TFIP11: variants seen among roughly 807,000 people sequenced by gnomAD.
TFIP11 encodes the protein tuftelin-interacting protein 11.
In TFIP11, 86 loss-of-function variants were observed where a neutral mutation model predicts 96.8. That is an observed-to-expected ratio of 0.89 (90% CI 0.75 to 1.06). The LOEUF is 1.06. Ranked by LOEUF, TFIP11 falls within the 50% of genes least tolerant of loss-of-function variation. TFIP11 has a pLI of 0.00. For missense variants in TFIP11, 881 were observed against 1,076.7 expected (o/e 0.82, Z 2.54); for synonymous variants, 405 against 395.2 (o/e 1.02, Z -0.29).
Position 26,491,846 on chromosome 22 carries a change from C to T in TFIP11, c.*167G>A. 1.1e-6 allele frequency: 1 copy of T among 926,352 alleles called. No homozygotes were observed. Among genetic ancestry groups the T allele is most frequent in the Non-Finnish European group, 1.6e-6 (1 of 629,056 alleles). 57.4% of individuals were successfully genotyped at this position (926,352 alleles called of 1,614,324 possible). ...AGGACTTGGTATAAAGATTCCTGCC[C>T]TACGTGGCATTGTCCCATTTTACAT... On this transcript the variant is annotated 3_prime_UTR_variant, in exon 15 of 15. Transcript: ENST00000407690.
intron 10 of TFIP11, among the ~76,000 whole-genome samples, chr22:26,497,874 CAAA>C (rs35461044): frequency 2.2e-5 from 2 of 89,162 alleles, no homozygotes; most frequent in Admixed American, 1.3e-4. Context: ...GACTTCATCT[CAAA>C]AAAAAAAAAA....
intron 4 of TFIP11, among the ~76,000 whole-genome samples, chr22:26,508,853 A>G (rs1923725182): frequency 2.6e-5 from 4 of 152,006 alleles, no homozygotes; most frequent in Admixed American, 2.0e-4. Flanking sequence ...CAAAAAAAAA[A>G]AAAAGAAAAA....
At position 26,491,440 on chromosome 22, in the gene TFIP11, TA is replaced by T; in HGVS notation, c.*572del. The T allele has an allele frequency of 1.3e-6, 2 of 1,588,882 alleles. No individual in the cohort carries two copies. The highest frequency in any genetic ancestry group is 1.7e-6 in the Non-Finnish European group (2 of 1,162,118). The stretch of plus-strand genomic sequence containing the variant: ...GATTACTGTGACTATCTGAAGTTTT[TA>T]TACTTGAATTTTTCTGCTCAGATTT... On this transcript the variant is annotated 3_prime_UTR_variant, in exon 15 of 15. Transcript: ENST00000407690.
At position 26,491,849 on chromosome 22, in the gene TFIP11, C is replaced by G; in HGVS notation, c.*164G>C. On this transcript the variant is annotated 3_prime_UTR_variant, in exon 15 of 15. Coordinates refer to ENST00000407690, the MANE Select transcript of TFIP11 (RefSeq NM_012143.4). ...ACTTGGTATAAAGATTCCTGCCCTA[C>G]GTGGCATTGTCCCATTTTACATCCT... 1.1e-6 allele frequency: 1 copy of G among 927,742 alleles called. No homozygotes were observed. The highest frequency in any genetic ancestry group is 1.6e-6 in the Non-Finnish European group (1 of 629,994). The allele number at this position is 927,742 out of a possible 1,614,324, so 57.5% of individuals were successfully genotyped here.
In TFIP11 at chr22:26,503,781, G is replaced by A; in HGVS notation, c.533C>T (p.Pro178Leu). 1 of 1,613,254 alleles carries A rather than the reference G, an allele frequency of 6.2e-7. No individual in the cohort carries two copies. Reference sequence around the variant, plus strand: ...TCCCTTTCTCTGCTTGGCTTCAATTGGGTTAATGATACCTGAGGAATTTCA... The same window carrying A: ...TCCCTTTCTCTGCTTGGCTTCAATTAGGTTAATGATACCTGAGGAATTTCA... The part of the protein sequence containing the change: ...LGKNAQGIIN[P>L]IEAKQRKGKG... Residue 178 changes from proline (P) to leucine (L), a missense_variant, in exon 7 of 15, where the codon CCA (proline) becomes CTA (leucine). Coordinates refer to ENST00000407690, the MANE Select transcript of TFIP11 (RefSeq NM_012143.4).
intron 6 of TFIP11, chr22:26,505,809 C>T (rs1199284144): frequency 6.6e-6 from 1 of 151,018 alleles, no homozygotes; most frequent in Non-Finnish European, 1.5e-5. Context: ...TTCCTGGGTT[C>T]AAGCGATTCT....
chr22:26,506,779 T>G lies in TFIP11; in HGVS notation c.359A>C (p.Lys120Thr). ...FPKDFGPRKL[K>T]TGGNFKPSQK... Reference sequence around the variant, plus strand: ...CAATCCTGCAATAGAGACTACCGTTTTTAGCTTCCTTGGTCCAAAATCCTT... The same window carrying G: ...CAATCCTGCAATAGAGACTACCGTTGTTAGCTTCCTTGGTCCAAAATCCTT... The change falls in exon 5 of 15, where the codon AAA becomes ACA. Residue 120 changes from lysine to threonine, a missense_variant. Transcript: ENST00000407690. 1 of 1,614,188 alleles carries G rather than the reference T, an allele frequency of 6.2e-7. No homozygotes were observed. Among genetic ancestry groups the G allele is most frequent in the East Asian group, 2.2e-5 (1 of 44,884 alleles).
At chr22:26,509,997 C>A in intron 4 of TFIP11, 67 bp downstream of exon 4, 1 of 1,538,678 alleles carries the variant, frequency 6.5e-7, no homozygotes, top group Non-Finnish European at 9.0e-7. Flanking sequence ...GGTATCTCCT[C>A]CACTCCCTGT....
intron 2 of TFIP11, 38 bp downstream of exon 2, chr22:26,512,061 G>A (rs1445290770): frequency 1.3e-5 from 2 of 152,126 alleles, no homozygotes; most frequent in African/African-American, 4.8e-5. Context: ...TCATGCTTCA[G>A]ATAAGAAAAA....
chr22:26,508,652 C>G (rs1923698805), intron 4 of TFIP11, among the ~76,000 whole-genome samples: 1 of 152,116 alleles, frequency 6.6e-6, no homozygotes, highest in Non-Finnish European at 1.5e-5. Flanking sequence ...TCAAGAGATC[C>G]TGGCCAACAT....
rs1602194079 is a variant in TFIP11, at chr22:26,494,084, T to C, written c.2158+55A>G. ...AAACTCTGATTCTGTGTCATTTACA[T>C]GTGTAAAATCTGAAACTTGGGGCCA... On this transcript the variant is annotated intron_variant, in intron 14 of 14. Transcript: ENST00000407690. 3.8e-6 allele frequency: 6 copies of C among 1,592,224 alleles called. No homozygotes were observed. The East Asian group carries it at 6.7e-5, about 18-fold the overall frequency.
In TFIP11 at chr22:26,499,088, T is replaced by C. The variant is rs757911781; in HGVS notation, c.1329+16A>G. ...AACCGAGAGGCAGGGATAGGTTGATTTTCCCAGCAACTCACTTTGAGGGGA... is the reference window on the plus strand; with the variant it reads ...AACCGAGAGGCAGGGATAGGTTGATCTTCCCAGCAACTCACTTTGAGGGGA... On this transcript the variant is annotated intron_variant, in intron 9 of 14. Coordinates refer to ENST00000407690, the MANE Select transcript of TFIP11 (RefSeq NM_012143.4). 5 of 1,592,162 alleles carry C rather than the reference T, an allele frequency of 3.1e-6. No individual in the cohort carries two copies. The African/African-American group carries it at 6.7e-5, about 21-fold the overall frequency.
At chr22:26,496,419 C>T (rs1922055137) in intron 11 of TFIP11, 103 bp from the exon 12 acceptor site, 2 of 1,443,646 alleles carry the variant, frequency 1.4e-6, no homozygotes, top group African/African-American at 1.4e-5. Flanking sequence ...AGGCCCTGTG[C>T]TCTCTGAGGC....
chr22:26,511,725 C>T (rs1043822182), intron 2 of TFIP11: 1 of 152,226 alleles, frequency 6.6e-6, no homozygotes, highest in Non-Finnish European at 1.5e-5. Flanking sequence ...TCACTACTTC[C>T]ACAGGCAGTG....
chr22:26,496,152 G>A lies in TFIP11; in HGVS notation c.1770C>T (p.Leu590=), dbSNP rs1453073238. 17 of 1,613,974 alleles carry A rather than the reference G, an allele frequency of 1.1e-5. No individual in the cohort carries two copies. The highest frequency in any genetic ancestry group is 1.7e-4 in the Middle Eastern group (1 of 5,920). ...KWHPSDSSAK[L]ILQPWKDVFT... is the part of the protein sequence containing the mutation. ...AGACATCCTTCCAGGGCTGGAGGAT[G>A]AGCTTGGCAGAGGAGTCGCTGGGGT... The change falls in exon 12 of 15, where the codon CTC becomes CTT. Residue 590 remains leucine, a synonymous_variant. Coordinates refer to ENST00000407690, the MANE Select transcript of TFIP11 (RefSeq NM_012143.4).
rs549047340 is a variant in TFIP11, at chr22:26,503,728, C to T, written c.586G>A (p.Glu196Lys). 18 of 1,613,958 alleles carry T rather than the reference C, an allele frequency of 1.1e-5. No individual in the cohort carries two copies. Among genetic ancestry groups the T allele is most frequent in the East Asian group, 2.2e-5 (1 of 44,860 alleles). ...TCTTGCATGGACTGAGTGGTGCGCTCGGATCCATAAGCCCCCACAGCACCT... is the reference window on the plus strand; with the variant it reads ...TCTTGCATGGACTGAGTGGTGCGCTTGGATCCATAAGCCCCCACAGCACCT... ...GKGAVGAYGS[E>K]RTTQSMQDFP... The change falls in exon 7 of 15, where the codon GAG (glutamate) becomes AAG (lysine). Residue 196 changes from glutamate to lysine, a missense_variant. Transcript: ENST00000407690.
chr22:26,510,073 C>G lies in TFIP11; in HGVS notation c.200G>C (p.Gly67Ala), dbSNP rs2147151775. 1 of 1,613,486 alleles carries G rather than the reference C, an allele frequency of 6.2e-7. No individual in the cohort carries two copies. Among genetic ancestry groups the G allele is most frequent in the Middle Eastern group, 1.8e-4 (1 of 5,508 alleles). ...CCATGCCAGGCAATACCGTTTGCCT[C>G]CAAAGCTGGGCCTCTCATCATCCGA... ...RDSDDERPSF[G>A]GKRARDYSAP... Residue 67 changes from glycine (G) to alanine (A), a missense_variant, in exon 4 of 15, where the codon GGA (glycine) becomes GCA (alanine). Physicochemically the swap from Gly to Ala is moderately conservative, Grantham distance 60. Coordinates refer to ENST00000407690, the MANE Select transcript of TFIP11 (RefSeq NM_012143.4).
Position 26,501,956 on chromosome 22 carries a change from T to G in TFIP11, c.745A>C (p.Lys249Gln). The change falls in exon 8 of 15, where the codon AAG becomes CAG. Residue 249 changes from lysine to glutamine, a missense_variant. Physicochemically the swap from Lys to Gln is moderately conservative, Grantham distance 53. Coordinates refer to ENST00000407690, the MANE Select transcript of TFIP11 (RefSeq NM_012143.4). ...SYKTVEELKA[K>Q]GRISKKLTAP... ...GTGAGCTTCTTGCTAATCCTGCCCT[T>G]GGCCTTCAACTCTTCCACGGTCTTG... 1 of 1,613,932 alleles carries G rather than the reference T, an allele frequency of 6.2e-7. No individual in the cohort carries two copies. The highest frequency in any genetic ancestry group is 8.5e-7 in the Non-Finnish European group (1 of 1,179,988).
intron 12 of TFIP11, among the ~76,000 whole-genome samples, 178 bp from the exon 13 acceptor site, chr22:26,495,117 G>A (rs1246473619): frequency 6.6e-6 from 1 of 151,512 alleles, no homozygotes; most frequent in Non-Finnish European, 1.5e-5. Context: ...GTGCACCACC[G>A]TGGCCAACTA....
Sources: allele counts gnomAD v4.1 joint callset (sites outside exome capture counted in the v4.1 genomes callset), GRCh38; gene constraint gnomAD v4.1.1; transcripts MANE v1.5; gene names NCBI Gene and HGNC (gene_info 2026-07-23, HGNC 2026-07-21).